MROH1: variants seen among roughly 807,000 people sequenced by gnomAD.
MROH1 encodes maestro heat-like repeat-containing protein family member 1.
A neutral mutation model predicts 116.5 loss-of-function variants in MROH1; 117 were observed. The ratio of observed to expected loss-of-function variants is 1.00; its 90% confidence interval spans 0.86 to 1.17. The LOEUF (loss-of-function observed/expected upper bound fraction) is 1.17, where lower values mean the gene tolerates loss of function less well. Ranked by LOEUF, MROH1 falls within the 50% of genes most tolerant of loss-of-function variation. MROH1 has a pLI of 0.00. For missense variants in MROH1, 1,873 were observed against 1,338.5 expected (o/e 1.40, Z -6.23); for synonymous variants, 921 against 583.9 (o/e 1.58, Z -8.32).
intron 31 of MROH1, among the ~76,000 whole-genome samples, chr8:144,248,474 C>T (rs1171701744): frequency 6.6e-6 from 1 of 152,162 alleles, no homozygotes; most frequent in East Asian, 1.9e-4. Context: ...TCACCAGGGC[C>T]TTTTCTGGTG....
At chr8:144,162,942 C>G (rs951324737) in intron 2 of MROH1, among the ~76,000 whole-genome samples, 1 of 152,118 alleles carries the variant, frequency 6.6e-6, no homozygotes, top group East Asian at 1.9e-4. Context: ...AGGCTGGTCT[C>G]GAACTCCTGA....
intron 33 of MROH1, chr8:144,251,461 T>C (rs1203890761): frequency 6.6e-6 from 1 of 152,324 alleles, no homozygotes; most frequent in Non-Finnish European, 1.5e-5. Flanking sequence ...GTGTCCCTCT[T>C]ACCTCACTTT....
In MROH1 at chr8:144,182,953, TCTGTAATCCCTGATA is replaced by T. The variant is rs1214536533; in HGVS notation, c.562+2435_562+2449del. 4.6e-5 allele frequency among the ~76,000 whole-genome samples: 7 copies of T among 152,136 alleles called. No homozygotes were observed. The highest frequency in any genetic ancestry group is 8.8e-5 in the Non-Finnish European group (6 of 68,034). On this transcript the variant is annotated intron_variant, in intron 7 of 43. Coordinates refer to ENST00000326134, the MANE Select transcript of MROH1 (RefSeq NM_032450.3). The surrounding 1 kb of genome is among the most constrained non-coding windows in gnomAD (Gnocchi z 4.1). ...AATTAGCCGGGTGTGGTGGCGCATG[TCTGTAATCCCTGATA>T]CTGTGGATGAGACAGGAGGATTGCT...
At chr8:144,242,239 C>G (rs1395527509) in intron 22 of MROH1, 130 bp from the exon 23 acceptor site, 23 of 767,882 alleles carry the variant, frequency 3.0e-5, no homozygotes, top group Non-Finnish European at 5.1e-5. Context: ...ACGGCTGGGT[C>G]ACACCTCTGC....
intron 14 of MROH1, among the ~76,000 whole-genome samples, chr8:144,235,054 A>C (rs1159423908): frequency 6.6e-6 from 1 of 151,120 alleles, no homozygotes; most frequent in Non-Finnish European, 1.5e-5. Context: ...CACCATGCCC[A>C]GCTGATTTGT....
At chr8:144,217,292 CTT>C (rs1330796983) in intron 12 of MROH1, among the ~76,000 whole-genome samples, 4 of 152,196 alleles carry the variant, frequency 2.6e-5, no homozygotes, top group African/African-American at 7.2e-5. Context: ...TGTACACAAA[CTT>C]TGTGCACAAA....
intron 33 of MROH1, among the ~76,000 whole-genome samples, chr8:144,254,156 A>C (rs1198527107): frequency 6.6e-6 from 1 of 152,068 alleles, no homozygotes; most frequent in Non-Finnish European, 1.5e-5. Context: ...AATTTATCTG[A>C]AATTTTTTTA....
chr8:144,231,473 T>G (rs1838874405), intron 14 of MROH1, among the ~76,000 whole-genome samples: 1 of 152,132 alleles, frequency 6.6e-6, no homozygotes, highest in Non-Finnish European at 1.5e-5. Context: ...TTGTAGGGTT[T>G]TAATTGGACT....
chr8:144,203,969 T>G (rs1325023723), intron 12 of MROH1, among the ~76,000 whole-genome samples: 1 of 152,218 alleles, frequency 6.6e-6, no homozygotes, highest in Non-Finnish European at 1.5e-5. Context: ...TTCCTTGAAG[T>G]TCTTTCTCTG....
At chr8:144,237,473 G>A (rs1228311075) in intron 14 of MROH1, among the ~76,000 whole-genome samples, 1 of 152,170 alleles carries the variant, frequency 6.6e-6, no homozygotes, top group Non-Finnish European at 1.5e-5. Context: ...CTTGTTTCTG[G>A]GAAGCTCGCT....
At chr8:144,255,099 A>AC in intron 34 of MROH1, 121 bp downstream of exon 34, 1 of 618,780 alleles carries the variant, frequency 1.6e-6, no homozygotes, top group Non-Finnish European at 2.9e-6. Flanking sequence ...TGGAGGCAGC[A>AC]CCGGGCTGGG....
At chr8:144,155,287 C>CT (rs1817767461) in intron 1 of MROH1, among the ~76,000 whole-genome samples, 1 of 152,072 alleles carries the variant, frequency 6.6e-6, no homozygotes, top group Non-Finnish European at 1.5e-5. Flanking sequence ...TTAGATTTTT[C>CT]TTGACTGCAG....
chr8:144,181,801 G>A (rs1418279543), intron 7 of MROH1, among the ~76,000 whole-genome samples: 1 of 152,158 alleles, frequency 6.6e-6, no homozygotes, highest in East Asian at 1.9e-4. Flanking sequence ...CGGGGCCGCT[G>A]GGGCGCCTGT....
chr8:144,151,247 CAAAAAAAAA>C (rs1160118892), intron 1 of MROH1, among the ~76,000 whole-genome samples: 3 of 22,966 alleles, frequency 1.3e-4, no homozygotes, highest in African/African-American at 2.6e-4. Context: ...TATTCTGTCT[CAAAAAAAAA>C]AAAAAAAAAA....
At position 144,258,848 on chromosome 8, in the gene MROH1, T is replaced by C; in HGVS notation, c.3863T>C (p.Leu1288Pro). ...GAGGATGTGGTACAGCGCATGGACC[T>C]GGAGGGAGGCTGGGAACTGCTCAGG... ...GSEDVVQRMD[L>P]EGGWELLRTS... Residue 1288 changes from leucine to proline, a missense_variant, in exon 36 of 44, where the codon CTG becomes CCG. Transcript: ENST00000326134. 3 of 769,864 alleles carry C rather than the reference T, an allele frequency of 3.9e-6. No homozygotes were observed. The highest frequency in any genetic ancestry group is 2.7e-5 in the South Asian group (2 of 72,732). The allele number at this position is 769,864 out of a possible 1,614,324, so 47.7% of individuals were successfully genotyped here. A position where few individuals can be genotyped will look rare whatever the true frequency, so the allele number is the denominator to read the frequency against.
chr8:144,161,793 G>A (rs922235198), intron 2 of MROH1, among the ~76,000 whole-genome samples: 3 of 152,198 alleles, frequency 2.0e-5, no homozygotes, highest in South Asian at 2.1e-4. Flanking sequence ...CGTTGGTTCC[G>A]CCCGTTTCTT....
chr8:144,192,189 G>T, intron 9 of MROH1, 120 bp from the exon 10 acceptor site: 3 of 818,156 alleles, frequency 3.7e-6, no homozygotes, highest in Non-Finnish European at 5.7e-6. Context: ...GCCCCAAGGT[G>T]GGGCCCATGT....
chr8:144,220,379 C>T (rs1229764615), intron 12 of MROH1, among the ~76,000 whole-genome samples: 1 of 152,202 alleles, frequency 6.6e-6, no homozygotes, highest in East Asian at 1.9e-4. Context: ...TACGACCGAC[C>T]GCCCTAAACT....
chr8:144,187,505 T>C (rs542444263), intron 7 of MROH1, among the ~76,000 whole-genome samples: 1 of 152,324 alleles, frequency 6.6e-6, no homozygotes, highest in African/African-American at 2.4e-5. Context: ...TAAAATTGTT[T>C]ATATAAAATC....
Sources: gnomAD v4.1 joint callset for allele counts (sites outside exome capture counted in the v4.1 genomes callset) on GRCh38, gnomAD v4.1.1 for gene constraint, Gnocchi (gnomAD v3.1) non-coding constraint, MANE v1.5 for transcripts, NCBI Gene and HGNC (gene_info 2026-07-23, HGNC 2026-07-21) for gene names.